Variants in GAB2 observed in about 807,000 individuals in gnomAD.
The protein encoded by GAB2 is GRB2 associated binding protein 2.
Under a neutral mutation model 65.5 loss-of-function variants are expected in GAB2, and 26 were observed. The ratio of observed to expected loss-of-function variants is 0.40; its 90% CI spans 0.29 to 0.55. GAB2 has a LOEUF of 0.55. GAB2 is among the 20% of genes least tolerant of loss of function. The probability of loss-of-function intolerance (pLI) is 0.53; values close to 1 mark genes in which losing one functional copy is unlikely to be tolerated. For synonymous variants in GAB2, 321 were observed against 329.6 expected, an observed-to-expected ratio of 0.97 and a Z score of 0.28; for missense variants, 884 against 875.8, an observed-to-expected ratio of 1.01 and a Z score of -0.12.
intron 1 of GAB2, among the ~76,000 whole-genome samples, chr11:78,309,971 T>TGTGTGTGTGCAC (rs1421836447): frequency 8.3e-6 from 1 of 120,090 alleles, no homozygotes. Context: ...TGTGTGTGTG[T>TGTGTGTGTGCAC]GCGCGCGCGC....
chr11:78,219,320 C>A lies in GAB2; in HGVS notation c.1983G>T (p.Trp661Cys). The part of the protein sequence containing the change: ...TQALQNTMQE[W>C]TDVRQSSEPS... Reference sequence around the variant, plus strand: ...GCTCTGAGGACTGCCGCACGTCTGTCCACTCCTGCATGGTGTTCTGCAGGG... The same window carrying A: ...GCTCTGAGGACTGCCGCACGTCTGTACACTCCTGCATGGTGTTCTGCAGGG... The change falls in exon 10 of 10, where the codon TGG (tryptophan) becomes TGT (cysteine). Residue 661 changes from tryptophan to cysteine, a missense_variant. By Grantham distance (215) the Trp-to-Cys change is radical. Coordinates refer to ENST00000361507, the MANE Select transcript of GAB2 (RefSeq NM_080491.3). 6.2e-7 allele frequency: 1 copy of A among 1,613,926 alleles called. No homozygotes were observed. The highest frequency in any genetic ancestry group is 1.1e-5 in the South Asian group (1 of 91,070).
chr11:78,342,918 T>C (rs1856122337), intron 1 of GAB2, among the ~76,000 whole-genome samples: 1 of 152,154 alleles, frequency 6.6e-6, no homozygotes, highest in African/African-American at 2.4e-5. Context: ...CTTCAGGGTA[T>C]GATTATCCCA....
intron 1 of GAB2, among the ~76,000 whole-genome samples, chr11:78,313,675 C>T (rs1208728977): frequency 6.6e-6 from 1 of 152,188 alleles, no homozygotes. Flanking sequence ...TTTCTGGGAG[C>T]AGGCTCATTA....
intron 1 of GAB2, among the ~76,000 whole-genome samples, chr11:78,282,501 G>T (rs979634765): frequency 2.0e-5 from 3 of 151,938 alleles, no homozygotes; most frequent in African/African-American, 4.8e-5. Flanking sequence ...TAGAGACAGG[G>T]CTTCACCATG....
At chr11:78,297,775 C>T (rs1200588138) in intron 1 of GAB2, among the ~76,000 whole-genome samples, 1 of 152,004 alleles carries the variant, frequency 6.6e-6, no homozygotes, top group Non-Finnish European at 1.5e-5. Context: ...GCTTGAGAAC[C>T]ATGTATTATA....
chr11:78,315,564 C>T (rs1329863455), intron 1 of GAB2, among the ~76,000 whole-genome samples: 1 of 152,146 alleles, frequency 6.6e-6, no homozygotes, highest in African/African-American at 2.4e-5. Flanking sequence ...TGATAAACCT[C>T]TCAGAAGAAA....
chr11:78,409,440 C>T (rs371586956), intron 1 of GAB2, among the ~76,000 whole-genome samples: 11 of 152,092 alleles, frequency 7.2e-5, no homozygotes, highest in Middle Eastern at 3.4e-3. Context: ...CAAAATTAGC[C>T]GGGTGTGGTG....
chr11:78,359,104 T>C (rs966807371), intron 1 of GAB2, among the ~76,000 whole-genome samples: 1 of 152,110 alleles, frequency 6.6e-6, no homozygotes, highest in Non-Finnish European at 1.5e-5. Context: ...ACGTGGATGA[T>C]AGAGTAAGAG....
rs1864143370 is a variant in GAB2 at position 78,216,289 on chromosome 11, C to G, written c.*2983G>C. 6.6e-6 allele frequency: 1 copy of G among 152,208 alleles called. No individual in the cohort carries two copies. Among genetic ancestry groups the G allele is most frequent in the Non-Finnish European group, 1.5e-5 (1 of 68,074 alleles). 9.4% of individuals were successfully genotyped at this position (152,208 alleles called of 1,614,324 possible). A position where few individuals can be genotyped will look rare whatever the true frequency, so the allele number is the denominator to read the frequency against. On this transcript the variant is annotated 3_prime_UTR_variant, in exon 10 of 10. Coordinates refer to ENST00000361507, the MANE Select transcript of GAB2 (RefSeq NM_080491.3). ...CCTTGGAGAGCCCCAGGCAGGGGGC[C>G]TGTGTGAAGCAGTGCTGAGTGGGAA... is the stretch of plus-strand genomic sequence containing the variant.
At position 78,276,126 on chromosome 11, in the gene GAB2, A is replaced by G. The variant is rs553174226; in HGVS notation, c.376+4475T>C. Among the ~76,000 whole-genome samples the G allele has an allele frequency of 4.6e-4, 70 of 151,412 alleles. No individual in the cohort carries two copies. The Middle Eastern group carries it at 0.021, about 44-fold the overall frequency. On this transcript the variant is annotated intron_variant, in intron 2 of 9. Coordinates refer to ENST00000361507, the MANE Select transcript of GAB2 (RefSeq NM_080491.3). ...AAGACTGTCTCAAAAAAAAAAAAAA[A>G]AAGAAGAAGAAAAGAATATATTTCC...
chr11:78,286,772 C>T (rs1320108431), intron 1 of GAB2, among the ~76,000 whole-genome samples: 3 of 152,122 alleles, frequency 2.0e-5, no homozygotes, highest in East Asian at 1.9e-4. Context: ...CTGATAAGTG[C>T]AGTATCCATG....
intron 1 of GAB2, among the ~76,000 whole-genome samples, chr11:78,396,188 C>A (rs935118823): frequency 6.6e-6 from 1 of 152,158 alleles, no homozygotes; most frequent in Non-Finnish European, 1.5e-5. Context: ...AAAGCCAATG[C>A]CTTGCTACAC....
At chr11:78,284,741 C>G (rs2134593285) in intron 1 of GAB2, among the ~76,000 whole-genome samples, 1 of 152,226 alleles carries the variant, frequency 6.6e-6, no homozygotes, top group Middle Eastern at 3.4e-3. Context: ...ATGTATACCC[C>G]CAAAAGATAT....
chr11:78,354,062 C>T (rs2134708341), intron 1 of GAB2, among the ~76,000 whole-genome samples: 1 of 152,270 alleles, frequency 6.6e-6, no homozygotes, highest in Non-Finnish European at 1.5e-5. Context: ...AGGGATGGCA[C>T]TTTGAGAACT....
intron 1 of GAB2, among the ~76,000 whole-genome samples, chr11:78,332,530 AATG>A (rs1855932529): frequency 6.6e-6 from 1 of 152,232 alleles, no homozygotes; most frequent in African/African-American, 2.4e-5. Context: ...TCCTGACTCA[AATG>A]ATGAGAGAAA....
intron 2 of GAB2, among the ~76,000 whole-genome samples, chr11:78,256,977 A>G (rs985604221): frequency 2.0e-5 from 3 of 152,038 alleles, no homozygotes; most frequent in Non-Finnish European, 4.4e-5. Flanking sequence ...AATGCCCACA[A>G]ATGCCTGAGT....
chr11:78,234,471 CTTT>C (rs947674220), intron 3 of GAB2, among the ~76,000 whole-genome samples: 8 of 151,820 alleles, frequency 5.3e-5, no homozygotes, highest in Admixed American at 3.9e-4. Flanking sequence ...GGTTGCTGTT[CTTT>C]TTTTATTATT....
At chr11:78,238,434 G>A (rs747687243) in intron 3 of GAB2, among the ~76,000 whole-genome samples, 29 of 151,006 alleles carry the variant, frequency 1.9e-4, no homozygotes, top group Admixed American at 3.3e-4. Context: ...GTTTGAGGCT[G>A]CAGTGAGCTA....
At chr11:78,393,306 T>A (rs1856857149) in intron 1 of GAB2, among the ~76,000 whole-genome samples, 1 of 152,224 alleles carries the variant, frequency 6.6e-6, no homozygotes, top group African/African-American at 2.4e-5. Flanking sequence ...CAAGTTCCCT[T>A]ATTACAATGC....
Sources: allele counts gnomAD v4.1 joint callset (sites outside exome capture counted in the v4.1 genomes callset), GRCh38; gene constraint gnomAD v4.1.1; transcripts MANE v1.5; gene names NCBI Gene and HGNC (gene_info 2026-07-23, HGNC 2026-07-21).